Variants in KTN1 observed in about 807,000 individuals in gnomAD.
KTN1 encodes kinectin 1, also known as kinectin.
KTN1 carries 130 observed loss-of-function variants against 222.5 expected under a neutral mutation model. The observed-to-expected ratio is 0.58, with a 90% CI of 0.51 to 0.68. KTN1 has a LOEUF of 0.68. Ranked by LOEUF, KTN1 falls within the 30% of genes least tolerant of loss-of-function variation. The pLI is 0.00. For missense variants in KTN1, 1,508 were observed against 1,500.4 expected (o/e 1.01, Z -0.08); for synonymous variants, 512 against 496.3 (o/e 1.03, Z -0.42).
chr14:55,615,787 TCCTTC>T (rs1014167649), intron 2 of KTN1, among the ~76,000 whole-genome samples: 8 of 151,960 alleles, frequency 5.3e-5, no homozygotes, highest in African/African-American at 1.5e-4. Context: ...GGTTTTCTCT[TCCTTC>T]CCTTCCCTTC....
At chr14:55,654,612 T>C (rs916521650) in intron 28 of KTN1, among the ~76,000 whole-genome samples, 13 of 152,110 alleles carry the variant, frequency 8.5e-5, no homozygotes, top group African/African-American at 3.1e-4. Context: ...TTTTTATATT[T>C]ATAGGAAAAA....
In KTN1 at chr14:55,597,177, GAT is replaced by G. The variant is rs764603509; in HGVS notation, c.-30-14840_-30-14839del. On this transcript the variant is annotated intron_variant, in intron 1 of 43. Transcript: ENST00000395314. ...CGTTGGACTCTGTGTTGGGCTCCCA[GAT>G]AGATGGGAGAACATGTATTTGAAAA... Among the ~76,000 whole-genome samples, 23 of 152,288 alleles carry G rather than the reference GAT, an allele frequency of 1.5e-4. No homozygotes were observed. The South Asian group carries it at 1.9e-3, about 12-fold the overall frequency.
At chr14:55,623,186 T>G (rs1195352065) in intron 5 of KTN1, among the ~76,000 whole-genome samples, 3 of 152,288 alleles carry the variant, frequency 2.0e-5, no homozygotes, top group Non-Finnish European at 4.4e-5. Context: ...ATCATAGCAC[T>G]ATAAGTCTGT....
intron 7 of KTN1, among the ~76,000 whole-genome samples, chr14:55,631,444 C>A (rs2040528582): frequency 6.7e-6 from 1 of 148,960 alleles, no homozygotes; most frequent in Non-Finnish European, 1.5e-5. Context: ...ATGCTTGAAT[C>A]CTGTGACTTT....
At chr14:55,585,350 G>A (rs546124847) in intron 1 of KTN1, among the ~76,000 whole-genome samples, 1 of 152,176 alleles carries the variant, frequency 6.6e-6, no homozygotes, top group African/African-American at 2.4e-5. Flanking sequence ...AGGACCATTT[G>A]TTAGTTAATT....
chr14:55,586,168 T>C (rs914352825), intron 1 of KTN1, among the ~76,000 whole-genome samples: 6 of 152,180 alleles, frequency 3.9e-5, no homozygotes, highest in African/African-American at 1.4e-4. Flanking sequence ...GCAAGTTCTT[T>C]ATTGTCCAGT....
Position 55,616,525 on chromosome 14 carries a change from G to A in KTN1, c.532G>A (p.Asp178Asn), listed in dbSNP as rs532089563. Reference protein sequence around the residue: ...KKSKNGSDDQDKKVETLMVPS... With the variant: ...KKSKNGSDDQNKKVETLMVPS... ...GTTTGTGTTTAATAAAGATGACCAGGATAAAAAGGTGGAAACTCTCATGGT... is the reference window on the plus strand; with the variant it reads ...GTTTGTGTTTAATAAAGATGACCAGAATAAAAAGGTGGAAACTCTCATGGT... The change falls in exon 3 of 44, where the codon GAT becomes AAT. Residue 178 changes from aspartate to asparagine, a missense_variant. Physicochemically the swap from Asp to Asn is conservative, Grantham distance 23. Coordinates refer to ENST00000395314, the MANE Select transcript of KTN1 (RefSeq NM_001079521.2). 1 of 1,580,270 alleles carries A rather than the reference G, an allele frequency of 6.3e-7. No individual in the cohort carries two copies. The highest frequency in any genetic ancestry group is 1.4e-5 in the African/African-American group (1 of 72,428).
intron 29 of KTN1, chr14:55,656,433 A>G: frequency 4.0e-6 from 1 of 251,948 alleles, no homozygotes. Flanking sequence ...TTAACTTTTA[A>G]TAGTTTTATG....
chr14:55,652,336 G>A (rs571527758), intron 25 of KTN1, among the ~76,000 whole-genome samples: 4 of 151,042 alleles, frequency 2.6e-5, no homozygotes, highest in Non-Finnish European at 5.9e-5. Context: ...GTGATAGAAT[G>A]GTTTTCCTTA....
At chr14:55,603,990 C>G (rs960719422) in intron 1 of KTN1, among the ~76,000 whole-genome samples, 1 of 152,204 alleles carries the variant, frequency 6.6e-6, no homozygotes, top group Non-Finnish European at 1.5e-5. Flanking sequence ...CTACCATCAT[C>G]TCTAAATTAT....
chr14:55,680,550 C>G, intron 43 of KTN1: 1 of 522,914 alleles, frequency 1.9e-6, no homozygotes, highest in East Asian at 5.6e-5. Context: ...GGCAACTCAT[C>G]ACTGAATTAT....
intron 18 of KTN1, among the ~76,000 whole-genome samples, chr14:55,643,290 C>T (rs1363403758): frequency 2.0e-5 from 3 of 152,092 alleles, no homozygotes; most frequent in African/African-American, 7.2e-5. Context: ...TTCTCTCCCC[C>T]CACCCTCCCT....
chr14:55,586,329 G>A (rs1425957660), intron 1 of KTN1, among the ~76,000 whole-genome samples: 2 of 152,160 alleles, frequency 1.3e-5, no homozygotes, highest in African/African-American at 2.4e-5. Flanking sequence ...GGCTCATTAA[G>A]GAATTATCTT....
chr14:55,620,985 A>C (rs1330171121), intron 5 of KTN1, among the ~76,000 whole-genome samples: 2 of 152,182 alleles, frequency 1.3e-5, no homozygotes, highest in East Asian at 3.9e-4. Flanking sequence ...AATGCTGTTA[A>C]TAGCACCCAG....
At chr14:55,651,813 C>G (rs1261989797) in intron 24 of KTN1, 77 bp from the exon 25 acceptor site, 2 of 911,110 alleles carry the variant, frequency 2.2e-6, no homozygotes, top group African/African-American at 3.4e-5. Context: ...GAAGTGTACA[C>G]ATTATAAAGA....
intron 1 of KTN1, among the ~76,000 whole-genome samples, chr14:55,596,821 GTTTT>G (rs202081402): frequency 1.3e-4 from 19 of 149,026 alleles, no homozygotes; most frequent in Non-Finnish European, 1.5e-5. Flanking sequence ...TTTTGACAAA[GTTTT>G]TTTTGCCACT....
chr14:55,644,560 CTTT>C (rs34100965), intron 18 of KTN1: 14,878 of 313,048 alleles, frequency 0.048, no homozygotes, highest in Middle Eastern at 0.066. Context: ...CAGAATAAGA[CTTT>C]TTTTTTTTTT....
chr14:55,583,965 C>T (rs1411710312), intron 1 of KTN1, among the ~76,000 whole-genome samples: 2 of 152,210 alleles, frequency 1.3e-5, no homozygotes, highest in Non-Finnish European at 2.9e-5. Context: ...TCAGTACTTA[C>T]TGCTTCCACT....
intron 28 of KTN1, among the ~76,000 whole-genome samples, chr14:55,654,643 A>G (rs1595138284): frequency 6.6e-6 from 1 of 151,820 alleles, no homozygotes; most frequent in Admixed American, 6.6e-5. Context: ...AATTCTCCCT[A>G]TTAACATCTT....
Sources: gnomAD v4.1 joint callset for allele counts (sites outside exome capture counted in the v4.1 genomes callset) on GRCh38, gnomAD v4.1.1 for gene constraint, MANE v1.5 for transcripts, NCBI Gene and HGNC (gene_info 2026-07-23, HGNC 2026-07-21) for gene names.